PLXDC2: variants seen among roughly 807,000 people sequenced by gnomAD.
The protein encoded by PLXDC2 is plexin domain containing 2.
PLXDC2 carries 40 observed loss-of-function variants against 68.9 expected under a neutral mutation model. The observed-to-expected ratio is 0.58, with a 90% CI of 0.45 to 0.76. The LOEUF is 0.76. Among genes scored for constraint, PLXDC2 ranks in the 30% least tolerant of loss-of-function variants. The pLI is 0.00. For missense variants in PLXDC2, 644 were observed against 661.9 expected (o/e 0.97, Z 0.30); for synonymous variants, 243 against 234.2 (o/e 1.04, Z -0.34).
chr10:19,879,773 A>T (rs1190645451), intron 1 of PLXDC2, among the ~76,000 whole-genome samples: 1 of 152,178 alleles, frequency 6.6e-6, no homozygotes, highest in Non-Finnish European at 1.5e-5. Context: ...GTAATTCAGG[A>T]GGCAAGTAGG....
intron 2 of PLXDC2, among the ~76,000 whole-genome samples, chr10:20,011,829 C>G (rs1835119027): frequency 6.6e-6 from 1 of 152,216 alleles, no homozygotes; most frequent in Non-Finnish European, 1.5e-5. Context: ...GATGAATCTA[C>G]TCTGTCCGTG....
chr10:20,133,742 T>TCTCTCTCC (rs1366830000), intron 4 of PLXDC2, among the ~76,000 whole-genome samples: 1 of 152,178 alleles, frequency 6.6e-6, no homozygotes, highest in East Asian at 1.9e-4. Context: ...AACGTTCATT[T>TCTCTCTCC]CTCTCTCCAG....
intron 13 of PLXDC2, among the ~76,000 whole-genome samples, chr10:20,249,776 G>A (rs1011793715): frequency 6.6e-6 from 1 of 152,150 alleles, no homozygotes; most frequent in African/African-American, 2.4e-5. Flanking sequence ...TGAGCACAGA[G>A]TGCATCAAAT....
At chr10:19,993,232 A>ACTGTAAGGTAGTAGG (rs1284322076) in intron 1 of PLXDC2, among the ~76,000 whole-genome samples, 2 of 152,288 alleles carry the variant, frequency 1.3e-5, no homozygotes, top group Non-Finnish European at 2.9e-5. Flanking sequence ...AGATGTAGCA[A>ACTGTAAGGTAGTAGG]TACCTTACAG....
intron 1 of PLXDC2, among the ~76,000 whole-genome samples, chr10:19,933,691 C>G (rs1833677971): frequency 6.6e-6 from 1 of 151,754 alleles, no homozygotes. Context: ...CGTGCACACA[C>G]ACACACACAA....
intron 3 of PLXDC2, among the ~76,000 whole-genome samples, chr10:20,056,293 G>T (rs935986811): frequency 1.3e-5 from 2 of 152,164 alleles, no homozygotes; most frequent in African/African-American, 4.8e-5. Flanking sequence ...TCCAGGGCCT[G>T]ACTCTTTTTC....
chr10:20,152,654 A>C (rs2131802845), intron 6 of PLXDC2, among the ~76,000 whole-genome samples: 1 of 152,248 alleles, frequency 6.6e-6, no homozygotes, highest in South Asian at 2.1e-4. Flanking sequence ...GATAAAATTA[A>C]CTATAACATC....
At chr10:20,227,329 A>G (rs1835299911) in intron 12 of PLXDC2, among the ~76,000 whole-genome samples, 1 of 152,178 alleles carries the variant, frequency 6.6e-6, no homozygotes, top group African/African-American at 2.4e-5. Flanking sequence ...AAAACTATAT[A>G]AGAACAGAGA....
At chr10:19,878,196 A>C (rs897082378) in intron 1 of PLXDC2, among the ~76,000 whole-genome samples, 1 of 149,602 alleles carries the variant, frequency 6.7e-6, no homozygotes, top group African/African-American at 2.4e-5. Context: ...TTTTTTTATC[A>C]GACTCTTGAT....
At chr10:20,186,527 C>A (rs970842829) in intron 9 of PLXDC2, among the ~76,000 whole-genome samples, 6 of 151,824 alleles carry the variant, frequency 4.0e-5, no homozygotes, top group African/African-American at 1.5e-4. Flanking sequence ...ACTAAGCCTA[C>A]CAACCAATAG....
chr10:19,819,447 T>G (rs561639626), intron 1 of PLXDC2, among the ~76,000 whole-genome samples: 1 of 151,554 alleles, frequency 6.6e-6, no homozygotes, highest in South Asian at 2.1e-4. Flanking sequence ...GTATACAACT[T>G]TATTTGTAAA....
rs376765234 is a variant in PLXDC2 at position 20,110,777 on chromosome 10, TC to T, written c.542-32515del. Reference sequence around the variant, plus strand: ...TAGTTCATCAATCTTTCTATTTTTCTCCCAGTTTTTCAGGATCTCTGCATGT... The same window carrying T: ...TAGTTCATCAATCTTTCTATTTTTCTCCAGTTTTTCAGGATCTCTGCATGT... On this transcript the variant is annotated intron_variant, in intron 4 of 13. Coordinates refer to ENST00000377252, the MANE Select transcript of PLXDC2 (RefSeq NM_032812.9). Among the ~76,000 whole-genome samples the T allele has an allele frequency of 1.5e-3, 226 of 152,304 alleles. 1 individual carries two copies. Among genetic ancestry groups the T allele is most frequent in the African/African-American group, 5.2e-3 (217 of 41,570 alleles).
At chr10:20,263,983 T>C (rs1288985105) in intron 13 of PLXDC2, among the ~76,000 whole-genome samples, 1 of 152,102 alleles carries the variant, frequency 6.6e-6, no homozygotes, top group Non-Finnish European at 1.5e-5. Context: ...AAGAGGAATA[T>C]AAAGCATTCT....
chr10:19,916,519 C>T (rs1041400115), intron 1 of PLXDC2, among the ~76,000 whole-genome samples: 3 of 151,900 alleles, frequency 2.0e-5, no homozygotes, highest in Non-Finnish European at 4.4e-5. Context: ...CAAAAATACT[C>T]AAATAAAAAT....
chr10:19,976,007 TAAAAATAAAA>T, intron 1 of PLXDC2, among the ~76,000 whole-genome samples: 1 of 152,116 alleles, frequency 6.6e-6, no homozygotes, highest in East Asian at 1.9e-4. Flanking sequence ...CTTCTAAAAA[TAAAAATAAAA>T]AAGAATACGT....
intron 1 of PLXDC2, among the ~76,000 whole-genome samples, chr10:19,858,206 T>C (rs1412069243): frequency 6.6e-6 from 1 of 152,124 alleles, no homozygotes; most frequent in Non-Finnish European, 1.5e-5. Context: ...CTCCCTCGGG[T>C]GGCTGTAGTC....
At chr10:19,909,499 A>C (rs1833227808) in intron 1 of PLXDC2, among the ~76,000 whole-genome samples, 1 of 152,198 alleles carries the variant, frequency 6.6e-6, no homozygotes, top group Non-Finnish European at 1.5e-5. Flanking sequence ...TTGGCAAGAG[A>C]TTAAGGAAAT....
chr10:20,147,453 G>A (rs1834094661), intron 5 of PLXDC2, among the ~76,000 whole-genome samples: 1 of 152,138 alleles, frequency 6.6e-6, no homozygotes. Context: ...CACTTGGGCT[G>A]CATTTTGAAA....
intron 1 of PLXDC2, among the ~76,000 whole-genome samples, chr10:19,867,064 CTTTTT>C (rs61651939): frequency 6.4e-5 from 8 of 124,710 alleles, no homozygotes; most frequent in African/African-American, 2.1e-4. Context: ...TCCTTTCCCT[CTTTTT>C]TTTTTTTTTT....
Sources: allele counts gnomAD v4.1 joint callset (sites outside exome capture counted in the v4.1 genomes callset), GRCh38; gene constraint gnomAD v4.1.1; transcripts MANE v1.5; gene names NCBI Gene and HGNC (gene_info 2026-07-23, HGNC 2026-07-21).